The following MTRR variants were observed in gnomAD, a reference collection of about 807,000 sequenced individuals.
MTRR encodes methionine synthase reductase.
A neutral mutation model predicts 79.2 loss-of-function variants in MTRR; 63 were observed. The observed-to-expected ratio is 0.80, with a 90% CI of 0.65 to 0.98. The LOEUF is 0.98. MTRR is among the 50% of genes least tolerant of loss of function. MTRR has a pLI of 0.00. For synonymous variants in MTRR, 355 were observed against 313.3 expected (o/e 1.13, Z -1.41); for missense variants, 895 against 839.6 (o/e 1.07, Z -0.82).
intron 5 of MTRR, among the ~76,000 whole-genome samples, chr5:7,881,596 A>AT (rs1044566945): frequency 1.3e-5 from 2 of 151,750 alleles, no homozygotes; most frequent in Non-Finnish European, 2.9e-5. Context: ...AGTATTCAAG[A>AT]TTTTTTTTCC....
chr5:7,853,973 G>A (rs1397099785), intron 1 of MTRR, among the ~76,000 whole-genome samples: 1 of 152,086 alleles, frequency 6.6e-6, no homozygotes, highest in African/African-American at 2.4e-5. Context: ...GAGGATGCAG[G>A]GCAGGTTACC....
intron 5 of MTRR, among the ~76,000 whole-genome samples, chr5:7,880,359 T>C (rs1182380919): frequency 6.6e-6 from 1 of 152,234 alleles, no homozygotes; most frequent in Non-Finnish European, 1.5e-5. Flanking sequence ...TCTGATCCTC[T>C]TTAGTGATAG....
chr5:7,889,070 A>G (rs779195444), intron 8 of MTRR, 25 bp from the exon 9 acceptor site: 15 of 1,613,910 alleles, frequency 9.3e-6, no homozygotes, highest in Admixed American at 3.3e-5. Context: ...TTGTGTCACA[A>G]TTTAAGGCGG....
At chr5:7,899,039 C>G (rs941197853) in intron 14 of MTRR, among the ~76,000 whole-genome samples, 1 of 152,022 alleles carries the variant, frequency 6.6e-6, no homozygotes, top group Non-Finnish European at 1.5e-5. Flanking sequence ...GCACCTCACA[C>G]GGCAAGAGAG....
intron 1 of MTRR, among the ~76,000 whole-genome samples, chr5:7,858,876 G>T (rs981207516): frequency 6.6e-6 from 1 of 151,764 alleles, no homozygotes; most frequent in Non-Finnish European, 1.5e-5. Context: ...CAATCAAACA[G>T]CTCCCCAAAA....
chr5:7,893,572 A>G (rs1738006053), intron 11 of MTRR: 1 of 152,680 alleles, frequency 6.5e-6, no homozygotes, highest in Non-Finnish European at 1.5e-5. Context: ...ACTCAGCAGA[A>G]TTTCGAGACC....
intron 1 of MTRR, among the ~76,000 whole-genome samples, chr5:7,852,686 G>T (rs1048673995): frequency 2.0e-5 from 3 of 151,896 alleles, no homozygotes; most frequent in African/African-American, 7.3e-5. Context: ...GTCATGAAAG[G>T]CATGACTCAT....
chr5:7,862,387 A>C (rs1446652287), intron 2 of MTRR, among the ~76,000 whole-genome samples: 1 of 152,084 alleles, frequency 6.6e-6, no homozygotes, highest in East Asian at 1.9e-4. Context: ...TGAGGAATTG[A>C]ATTTTCTTAA....
At chr5:7,857,803 G>A (rs906496149) in intron 1 of MTRR, among the ~76,000 whole-genome samples, 6 of 152,212 alleles carry the variant, frequency 3.9e-5, no homozygotes, top group Admixed American at 6.5e-5. Flanking sequence ...GAATGCGTAC[G>A]TGAAGAGGGT....
upstream of MTRR, chr5:7,866,654 C>A: frequency 6.3e-7 from 1 of 1,580,740 alleles, no homozygotes; most frequent in South Asian, 1.2e-5. Context: ...ACCTTGCAGC[C>A]GTTGAAGGAA....
At chr5:7,894,604 G>C (rs925137591) in intron 11 of MTRR, among the ~76,000 whole-genome samples, 3 of 152,226 alleles carry the variant, frequency 2.0e-5, no homozygotes. Flanking sequence ...CCTTGATTCA[G>C]ATCGTGGTCA....
intron 14 of MTRR, 27 bp downstream of exon 14, chr5:7,897,274 G>A (rs765374664): frequency 5.6e-6 from 9 of 1,610,998 alleles, no homozygotes; most frequent in East Asian, 2.2e-5. Flanking sequence ...CCTAAGTCGG[G>A]TAGGAGAGGG....
At chr5:7,873,560 A>T in intron 3 of MTRR, 34 bp downstream of exon 3, 1 of 1,605,716 alleles carries the variant, frequency 6.2e-7, no homozygotes, top group Non-Finnish European at 8.5e-7. Flanking sequence ...TTACTATAGT[A>T]TACTATTGAT....
intron 4 of MTRR, among the ~76,000 whole-genome samples, chr5:7,877,327 G>C (rs1020011287): frequency 1.3e-5 from 2 of 152,052 alleles, no homozygotes; most frequent in Non-Finnish European, 2.9e-5. Context: ...TCCCAAAGGA[G>C]GGTTGCTTTT....
intron 1 of MTRR, among the ~76,000 whole-genome samples, chr5:7,857,126 AAC>A (rs1746268981): frequency 6.6e-6 from 1 of 152,210 alleles, no homozygotes; most frequent in Non-Finnish European, 1.5e-5. Context: ...TAGCAAGTAA[AAC>A]AATTTTTTTT....
chr5:7,875,380 G>A lies in MTRR; in HGVS notation c.401+5G>A. The A allele has an allele frequency of 6.3e-7, 1 of 1,596,942 alleles. No individual in the cohort carries two copies. Among genetic ancestry groups the A allele is most frequent in the East Asian group, 2.2e-5 (1 of 44,788 alleles). On this transcript the variant is annotated splice_donor_5th_base_variant and intron_variant, in intron 4 of 14. Transcript: ENST00000440940. ...ACATGCAGATGACTGTGTAGGGTAA[G>A]GGCAGTGTTCTCTGTTTACTCCAAT... is the stretch of plus-strand genomic sequence containing the variant.
chr5:7,883,410 A>C (rs1056916072), intron 6 of MTRR, 133 bp downstream of exon 6: 12 of 1,181,506 alleles, frequency 1.0e-5, no homozygotes, highest in Non-Finnish European at 4.9e-6. Flanking sequence ...CGGCTTGGTT[A>C]CATGTGCTGA....
intron 1 of MTRR, chr5:7,861,093 AT>A: frequency 9.4e-7 from 1 of 1,068,728 alleles, no homozygotes. Context: ...ACCTGGAAAA[AT>A]AATTTTGAAA....
chr5:7,859,317 CA>C lies in MTRR; in HGVS notation n.392-2633del, dbSNP rs1746367152. The C allele has an allele frequency of 2.1e-5, 11 of 528,028 alleles. No homozygotes were observed. The East Asian group carries it at 3.5e-4, about 17-fold the overall frequency. The allele number at this position is 528,028 out of a possible 1,614,324, so 32.7% of individuals were successfully genotyped here. On this transcript the variant is annotated intron_variant and non_coding_transcript_variant, in intron 1 of 3. Transcript: ENST00000502509. Reference sequence around the variant, plus strand: ...GTATAAGGAAAACTACAGATGCTTTCAGATCACCAGTCTAGAACATATTCTG... The same window carrying C: ...GTATAAGGAAAACTACAGATGCTTTCGATCACCAGTCTAGAACATATTCTG...
Sources: allele counts gnomAD v4.1 joint callset (sites outside exome capture counted in the v4.1 genomes callset), GRCh38; gene constraint gnomAD v4.1.1; transcripts MANE v1.5; gene names NCBI Gene and HGNC (gene_info 2026-07-23, HGNC 2026-07-21).